The following MAML3 variants were observed in gnomAD, a reference collection of about 807,000 sequenced individuals.
MAML3 encodes the protein mastermind-like protein 3.
In MAML3, 27 loss-of-function variants were observed where a neutral mutation model predicts 101.9. That is an observed-to-expected ratio of 0.27 (90% confidence interval 0.20 to 0.37). The LOEUF (loss-of-function observed/expected upper bound fraction) is 0.37, where lower values mean the gene tolerates loss of function less well. MAML3 is among the 10% of genes least tolerant of loss of function. The pLI, the probability that MAML3 is intolerant of heterozygous loss-of-function variation, is 1.00. For synonymous variants in MAML3, 501 were observed against 555.9 expected, an observed-to-expected ratio of 0.90 and a Z score of 1.39; for missense variants, 1,316 against 1,444.9, an observed-to-expected ratio of 0.91 and a Z score of 1.45.
At chr4:140,005,104 T>C (rs1402993286) in intron 1 of MAML3, among the ~76,000 whole-genome samples, 1 of 152,178 alleles carries the variant, frequency 6.6e-6, no homozygotes, top group Non-Finnish European at 1.5e-5. Flanking sequence ...CTTTGAACAA[T>C]GCAGTGGGTT....
intron 1 of MAML3, among the ~76,000 whole-genome samples, chr4:139,998,794 C>T (rs189608676): frequency 2.5e-4 from 38 of 152,220 alleles, no homozygotes; most frequent in African/African-American, 8.2e-4. Context: ...TTCTGTCTCC[C>T]TGGCAGTATG....
chr4:140,070,810 A>C (rs1349486744), intron 1 of MAML3, among the ~76,000 whole-genome samples: 1 of 152,216 alleles, frequency 6.6e-6, no homozygotes, highest in Non-Finnish European at 1.5e-5. Context: ...GCACACACAC[A>C]AATGACTTTT....
At chr4:140,142,579 T>A (rs748361686) in intron 1 of MAML3, among the ~76,000 whole-genome samples, 1 of 152,216 alleles carries the variant, frequency 6.6e-6, no homozygotes, top group Non-Finnish European at 1.5e-5. Flanking sequence ...ATTGGCTTTT[T>A]AAATATATCT....
chr4:139,847,530 A>G (rs1731471538), intron 2 of MAML3, among the ~76,000 whole-genome samples: 1 of 152,222 alleles, frequency 6.6e-6, no homozygotes, highest in African/African-American at 2.4e-5. Flanking sequence ...GCTTCCGTAC[A>G]AAGCCTTTTA....
In MAML3 at chr4:139,849,562, G is replaced by A. The variant is rs530449880; in HGVS notation, c.2079+39795C>T. On this transcript the variant is annotated intron_variant, in intron 2 of 4. Coordinates refer to ENST00000509479, the MANE Select transcript of MAML3 (RefSeq NM_018717.5). Reference sequence around the variant, plus strand: ...ATCATGAGTTTGTTCACAGGAAGGAGGAATAGCAGGAATGGGTGATGATGA... The same window carrying A: ...ATCATGAGTTTGTTCACAGGAAGGAAGAATAGCAGGAATGGGTGATGATGA... Among the ~76,000 whole-genome samples the A allele has an allele frequency of 1.2e-3, 178 of 152,300 alleles. 1 individual carries two copies. Among genetic ancestry groups the A allele is most frequent in the South Asian group, 2.3e-3 (11 of 4,816 alleles).
chr4:139,876,879 A>G (rs1283242984), intron 2 of MAML3, among the ~76,000 whole-genome samples: 1 of 152,168 alleles, frequency 6.6e-6, no homozygotes, highest in Admixed American at 6.5e-5. Context: ...TGCACCCCTG[A>G]CTAACTTCCA....
rs1553981311 is a variant in MAML3 at position 140,145,878 on chromosome 4, C to CTTTTTCTT, written c.468+6981_468+6982insAAGAAAAA. Among the ~76,000 whole-genome samples, 167 of 108,496 alleles carry CTTTTTCTT rather than the reference C, an allele frequency of 1.5e-3. 3 individuals carry two copies. Among genetic ancestry groups the CTTTTTCTT allele is most frequent in the Non-Finnish European group, 2.4e-3 (136 of 57,052 alleles). 71.2% of individuals were successfully genotyped at this position (108,496 alleles called of 152,430 possible). A position where few individuals can be genotyped will look rare whatever the true frequency, so the allele number is the denominator to read the frequency against. ...GCGCCTGGCCTTTTTTTTCTTTTTTCTTTTTTTTTTTTGAGAAGGATTTTT... is the reference window on the plus strand; with the variant it reads ...GCGCCTGGCCTTTTTTTTCTTTTTTCTTTTTCTTTTTTTTTTTTTTGAGAAGGATTTTT... On this transcript the variant is annotated intron_variant, in intron 1 of 4. Coordinates refer to ENST00000509479, the MANE Select transcript of MAML3 (RefSeq NM_018717.5).
chr4:139,861,503 G>T (rs955303292), intron 2 of MAML3, among the ~76,000 whole-genome samples: 4 of 151,998 alleles, frequency 2.6e-5, no homozygotes, highest in Admixed American at 6.6e-5. Context: ...GTGTGTGTGT[G>T]TGTGTGTAGT....
At chr4:139,909,055 G>C (rs1273218674) in intron 1 of MAML3, among the ~76,000 whole-genome samples, 1 of 152,170 alleles carries the variant, frequency 6.6e-6, no homozygotes, top group African/African-American at 2.4e-5. Context: ...AGTAGTTAGA[G>C]GTTTGCGTGG....
chr4:140,068,764 T>C (rs1205625724), intron 1 of MAML3, among the ~76,000 whole-genome samples: 1 of 152,242 alleles, frequency 6.6e-6, no homozygotes, highest in Non-Finnish European at 1.5e-5. Flanking sequence ...GCCAGGCACA[T>C]AGTGGCACTC....
intron 1 of MAML3, among the ~76,000 whole-genome samples, chr4:139,944,185 T>A (rs888298593): frequency 1.1e-4 from 17 of 152,128 alleles, no homozygotes; most frequent in African/African-American, 3.9e-4. Context: ...ACAACATTTT[T>A]TTTTTTATTA....
chr4:140,035,708 G>A (rs939553175), intron 1 of MAML3, among the ~76,000 whole-genome samples: 22 of 151,860 alleles, frequency 1.4e-4, no homozygotes, highest in South Asian at 6.2e-4. Context: ...GCTTGAACCC[G>A]GGAGGTGGAG....
At chr4:140,137,757 C>T (rs1240478171) in intron 1 of MAML3, among the ~76,000 whole-genome samples, 3 of 152,176 alleles carry the variant, frequency 2.0e-5, no homozygotes, top group African/African-American at 7.2e-5. Flanking sequence ...GAAGTCAATA[C>T]CAGAAACTCC....
chr4:140,007,755 G>T (rs1726475198), intron 1 of MAML3, among the ~76,000 whole-genome samples: 1 of 152,136 alleles, frequency 6.6e-6, no homozygotes, highest in Admixed American at 6.5e-5. Flanking sequence ...TTACCAGGCT[G>T]CAATTCTTGA....
At position 140,133,012 on chromosome 4, in the gene MAML3, T is replaced by C. The variant is rs368948701; in HGVS notation, c.468+19848A>G. 532 of 405,010 alleles carry C rather than the reference T, an allele frequency of 1.3e-3. 7 individuals carry two copies. The highest frequency in any genetic ancestry group is 8.6e-3 in the South Asian group (481 of 56,082). The allele number at this position is 405,010 out of a possible 1,614,324, so 25.1% of individuals were successfully genotyped here. A position where few individuals can be genotyped will look rare whatever the true frequency, so the allele number is the denominator to read the frequency against. ...CTGACTATAAGTACTATCAAAAATATGTTGAAGATTATTTTGATACCTGTA... is the reference window on the plus strand; with the variant it reads ...CTGACTATAAGTACTATCAAAAATACGTTGAAGATTATTTTGATACCTGTA... On this transcript the variant is annotated intron_variant, in intron 1 of 4. Coordinates refer to ENST00000509479, the MANE Select transcript of MAML3 (RefSeq NM_018717.5).
chr4:139,725,702 C>T (rs376173702), intron 4 of MAML3, 49 bp downstream of exon 4: 149 of 1,559,508 alleles, frequency 9.6e-5, no homozygotes, highest in African/African-American at 1.1e-4. Context: ...CATTCACTTA[C>T]GCTTCACCAC....
At chr4:139,894,163 G>A (rs1218963971) in intron 1 of MAML3, among the ~76,000 whole-genome samples, 1 of 152,156 alleles carries the variant, frequency 6.6e-6, no homozygotes, top group Non-Finnish European at 1.5e-5. Context: ...ATGCGGTAAA[G>A]TTCACAAAGT....
chr4:139,935,778 T>C (rs937681225), intron 1 of MAML3, among the ~76,000 whole-genome samples: 8 of 152,180 alleles, frequency 5.3e-5, no homozygotes, highest in African/African-American at 1.9e-4. Flanking sequence ...TTGTATACAT[T>C]TAAGGTGCAC....
At chr4:140,137,634 A>G (rs1316880283) in intron 1 of MAML3, among the ~76,000 whole-genome samples, 3 of 152,264 alleles carry the variant, frequency 2.0e-5, no homozygotes, top group African/African-American at 7.2e-5. Context: ...TATTCAAAGT[A>G]TGCACTATCT....
Sources: gnomAD v4.1 joint callset for allele counts (sites outside exome capture counted in the v4.1 genomes callset) on GRCh38, gnomAD v4.1.1 for gene constraint, MANE v1.5 for transcripts, NCBI Gene and HGNC (gene_info 2026-07-23, HGNC 2026-07-21) for gene names.